Variants in RASA3 observed in about 807,000 individuals in gnomAD.
The protein encoded by RASA3 is ras GTPase-activating protein 3.
In RASA3, 73 loss-of-function variants were observed where a neutral mutation model predicts 110.0. The observed-to-expected ratio is 0.66, with a 90% confidence interval of 0.55 to 0.81. The LOEUF is 0.81. RASA3 is among the 30% of genes least tolerant of loss of function. The probability of loss-of-function intolerance (pLI) is 0.00; values close to 1 mark genes in which losing one functional copy is unlikely to be tolerated. For synonymous variants in RASA3, 500 were observed against 451.4 expected, an observed-to-expected ratio of 1.11 and a Z score of -1.37; for missense variants, 976 against 1,113.2, an observed-to-expected ratio of 0.88 and a Z score of 1.75.
At chr13:114,108,638 C>T (rs2080174127) in intron 1 of RASA3, 1 of 152,136 alleles carries the variant, frequency 6.6e-6, no homozygotes, top group Non-Finnish European at 1.5e-5. Context: ...GTGGGATTCA[C>T]ACCTTGTGTG....
At position 114,052,064 on chromosome 13, in the gene RASA3, C is replaced by A; in HGVS notation, c.265G>T (p.Asp89Tyr). 6.2e-7 allele frequency: 1 copy of A among 1,606,098 alleles called. No homozygotes were observed. Among genetic ancestry groups the A allele is most frequent in the South Asian group, 1.1e-5 (1 of 90,928 alleles). ...YIFDRDVFRR[D>Y]SIIGKVAIQK... ...ATTCATCACCTACCTATGATGGAATCCCTCCGGAAAACGTCTCTATCGAAA... is the reference window on the plus strand; with the variant it reads ...ATTCATCACCTACCTATGATGGAATACCTCCGGAAAACGTCTCTATCGAAA... The change falls in exon 3 of 24, where the codon GAT (aspartate) becomes TAT (tyrosine). Residue 89 changes from aspartate (D) to tyrosine (Y), a missense_variant. Around this residue, in one of 4 missense-constraint regions of RASA3, gnomAD observed 732 missense variants for 779.7 expected, o/e 0.94. Coordinates refer to ENST00000334062, the MANE Select transcript of RASA3 (RefSeq NM_007368.4).
At chr13:113,989,087 C>T (rs2053038619) in intron 22 of RASA3, among the ~76,000 whole-genome samples, 1 of 149,954 alleles carries the variant, frequency 6.7e-6, no homozygotes, top group African/African-American at 2.5e-5. Context: ...TGTCAGTCCA[C>T]CGATCACTCA....
Position 114,000,944 on chromosome 13 carries a change from G to GCTCTT in RASA3, c.1743-13_1743-12insAAGAG. 1 of 1,577,700 alleles carries GCTCTT rather than the reference G, an allele frequency of 6.3e-7. No individual in the cohort carries two copies. The highest frequency in any genetic ancestry group is 8.7e-7 in the Non-Finnish European group (1 of 1,147,134). ...TCTTGATCATGAACCTGTGTGAAGA[G>GCTCTT]CACACAGGGCCGGGGTCCGGGCCTC... On this transcript the variant is annotated splice_polypyrimidine_tract_variant and intron_variant, in intron 18 of 23. Transcript: ENST00000334062.
intron 2 of RASA3, among the ~76,000 whole-genome samples, chr13:114,068,066 C>T (rs1198442554): frequency 6.6e-6 from 1 of 152,248 alleles, no homozygotes; most frequent in African/African-American, 2.4e-5. Flanking sequence ...AACCAGCTTT[C>T]GGAGCAGGAG....
intron 1 of RASA3, among the ~76,000 whole-genome samples, chr13:114,092,494 T>G (rs1236593887): frequency 1.3e-5 from 2 of 152,194 alleles, no homozygotes; most frequent in East Asian, 3.8e-4. Context: ...CTTGCTATGG[T>G]TTCTAGTTTT....
chr13:114,015,750 A>G (rs1440387986), intron 13 of RASA3, among the ~76,000 whole-genome samples: 1 of 152,216 alleles, frequency 6.6e-6, no homozygotes, highest in African/African-American at 2.4e-5. Context: ...CGCAGTACAC[A>G]GCTCTGGGGA....
chr13:114,123,645 T>C (rs1215159973), intron 1 of RASA3, among the ~76,000 whole-genome samples: 1 of 152,208 alleles, frequency 6.6e-6, no homozygotes, highest in African/African-American at 2.4e-5. Context: ...TCCTCCGTCC[T>C]ACCCTGGGCA....
intron 1 of RASA3, among the ~76,000 whole-genome samples, chr13:114,128,102 A>G (rs567925126): frequency 6.6e-6 from 1 of 152,348 alleles, no homozygotes; most frequent in East Asian, 1.9e-4. Context: ...CAGGCAGCTT[A>G]GCTGAGCTCG....
At chr13:114,125,795 C>T (rs1437069553) in intron 1 of RASA3, among the ~76,000 whole-genome samples, 1 of 152,154 alleles carries the variant, frequency 6.6e-6, no homozygotes, top group Non-Finnish European at 1.5e-5. Flanking sequence ...CTGCTCTGAC[C>T]CGCGGCTGCG....
chr13:114,101,664 C>A (rs1021951266), intron 1 of RASA3, among the ~76,000 whole-genome samples: 1 of 152,194 alleles, frequency 6.6e-6, no homozygotes, highest in African/African-American at 2.4e-5. Context: ...GTGAAATACA[C>A]GAAACCCGAA....
chr13:114,077,567 C>T (rs1207828148), intron 1 of RASA3, among the ~76,000 whole-genome samples: 4 of 147,740 alleles, frequency 2.7e-5, no homozygotes, highest in Non-Finnish European at 6.0e-5. Context: ...AGTCCCACCG[C>T]ACTGGCACCA....
At chr13:114,032,514 C>T (rs900223512) in intron 4 of RASA3, among the ~76,000 whole-genome samples, 13 of 152,112 alleles carry the variant, frequency 8.5e-5, no homozygotes, top group African/African-American at 2.2e-4. Flanking sequence ...GTGCCTGGGT[C>T]GTGGGCGCAG....
chr13:114,016,477 C>T (rs1212070593), intron 12 of RASA3, among the ~76,000 whole-genome samples: 1 of 152,144 alleles, frequency 6.6e-6, no homozygotes, highest in Non-Finnish European at 1.5e-5. Context: ...TCGTCCCGAG[C>T]CTCAGCTGCA....
intron 1 of RASA3, among the ~76,000 whole-genome samples, chr13:114,076,645 C>G (rs2079689284): frequency 6.6e-6 from 1 of 152,158 alleles, no homozygotes. Context: ...GAGAACATGG[C>G]CGGCGAGCTT....
At chr13:114,043,316 G>C (rs2054455950) in intron 3 of RASA3, among the ~76,000 whole-genome samples, 1 of 152,166 alleles carries the variant, frequency 6.6e-6, no homozygotes, top group Non-Finnish European at 1.5e-5. Flanking sequence ...AGGACAGTTT[G>C]CCTCCAGTGC....
chr13:114,067,257 C>T (rs1253564252), intron 2 of RASA3, among the ~76,000 whole-genome samples: 3 of 139,360 alleles, frequency 2.2e-5, no homozygotes, highest in Admixed American at 7.0e-5. Flanking sequence ...GCGGACACCC[C>T]GGGGCTGAGG....
chr13:114,050,460 A>G (rs6560955), intron 3 of RASA3, among the ~76,000 whole-genome samples: 150,940 of 152,384 alleles, frequency 0.99, 74,769 homozygotes, highest in Middle Eastern at 1. Flanking sequence ...TCTATGAAAA[A>G]CACAGCAGTT....
chr13:114,059,362 G>C (rs1385071003), intron 2 of RASA3, among the ~76,000 whole-genome samples: 1 of 152,246 alleles, frequency 6.6e-6, no homozygotes, highest in Non-Finnish European at 1.5e-5. Context: ...AAGACTATAT[G>C]GCACGTCTAA....
chr13:114,095,563 G>A (rs949813954), intron 1 of RASA3, among the ~76,000 whole-genome samples: 16 of 152,266 alleles, frequency 1.1e-4, no homozygotes, highest in African/African-American at 3.9e-4. Context: ...TAGTCTCAGG[G>A]CTTCACTCCT....
Sources: gnomAD v4.1 joint callset for allele counts (sites outside exome capture counted in the v4.1 genomes callset) on GRCh38, gnomAD v4.1.1 for gene constraint, gnomAD v4.1.1 regional missense constraint, MANE v1.5 for transcripts, NCBI Gene and HGNC (gene_info 2026-07-23, HGNC 2026-07-21) for gene names.